The following ATOSA variants were observed in gnomAD, a reference collection of about 807,000 sequenced individuals.
ATOSA encodes atos homolog protein A.
chr15:52,607,190 G>A, the ATOSA span, among the ~76,000 whole-genome samples: 2 of 152,056 alleles, frequency 1.3e-5, no homozygotes, highest in South Asian at 2.1e-4. Flanking sequence ...ATGAAGCCAG[G>A]ACTAGAACTC....
chr15:52,608,972 C>T, the ATOSA span: 2 of 1,612,150 alleles, frequency 1.2e-6, no homozygotes, highest in Non-Finnish European at 1.7e-6. Context: ...ATCTGTTTGT[C>T]AATAGTGGTG....
At chr15:52,703,527 A>G in the ATOSA span, among the ~76,000 whole-genome samples, 26 of 152,162 alleles carry the variant, frequency 1.7e-4, no homozygotes, top group African/African-American at 6.3e-4. Context: ...TGCTATACCT[A>G]ACAAAACTAC....
the ATOSA span, among the ~76,000 whole-genome samples, chr15:52,654,758 A>C: frequency 6.6e-6 from 1 of 152,138 alleles, no homozygotes; most frequent in Non-Finnish European, 1.5e-5. Context: ...CAGATCATCT[A>C]TGTTTTCTGT....
chr15:52,592,649 T>C, the ATOSA span, among the ~76,000 whole-genome samples: 3 of 152,140 alleles, frequency 2.0e-5, no homozygotes, highest in African/African-American at 7.2e-5. Context: ...ACACTAACAA[T>C]AGCTGATGAG....
At chr15:52,637,499 G>C in the ATOSA span, among the ~76,000 whole-genome samples, 1 of 152,092 alleles carries the variant, frequency 6.6e-6, no homozygotes, top group Non-Finnish European at 1.5e-5. Flanking sequence ...CGTAGTAATT[G>C]AGTCTTATAA....
At chr15:52,706,606 AC>A in the ATOSA span, among the ~76,000 whole-genome samples, 1 of 152,314 alleles carries the variant, frequency 6.6e-6, no homozygotes, top group South Asian at 2.1e-4. Flanking sequence ...GGAAACAAAA[AC>A]CAGCTTGAAA....
chr15:52,702,500 TGC>T, the ATOSA span, among the ~76,000 whole-genome samples: 1 of 152,190 alleles, frequency 6.6e-6, no homozygotes, highest in African/African-American at 2.4e-5. Flanking sequence ...AGTAAATAAT[TGC>T]AGGAACAGAA....
At chr15:52,677,868 G>A in the ATOSA span, 4 of 1,239,954 alleles carry the variant, frequency 3.2e-6, no homozygotes, top group Non-Finnish European at 4.7e-6. Flanking sequence ...TCACCAGCTG[G>A]AATCTGTCAC....
chr15:52,679,372 T>C, the ATOSA span: 1 of 153,104 alleles, frequency 6.5e-6, no homozygotes, highest in Admixed American at 6.5e-5. Context: ...CTCTGCTGTT[T>C]GCCCTGTCAA....
chr15:52,651,135 T>G, the ATOSA span, among the ~76,000 whole-genome samples: 1 of 152,214 alleles, frequency 6.6e-6, no homozygotes, highest in African/African-American at 2.4e-5. Context: ...TATGCAATTA[T>G]TACATTTAGG....
the ATOSA span, among the ~76,000 whole-genome samples, chr15:52,619,568 A>C: frequency 6.6e-6 from 1 of 152,206 alleles, no homozygotes; most frequent in Non-Finnish European, 1.5e-5. Flanking sequence ...TTATTTGGCC[A>C]GGTGTGGTGG....
At chr15:52,706,935 C>T in the ATOSA span, among the ~76,000 whole-genome samples, 2 of 152,026 alleles carry the variant, frequency 1.3e-5, no homozygotes, top group Non-Finnish European at 2.9e-5. Flanking sequence ...GGGTTTCTTT[C>T]TGGGGTGCTG....
At chr15:52,631,406 A>G in the ATOSA span, among the ~76,000 whole-genome samples, 2 of 152,176 alleles carry the variant, frequency 1.3e-5, no homozygotes, top group African/African-American at 4.8e-5. Context: ...CTTCTTAAAA[A>G]AAGTCTTCCA....
the ATOSA span, among the ~76,000 whole-genome samples, chr15:52,614,910 T>G: frequency 1.3e-5 from 2 of 152,202 alleles, no homozygotes; most frequent in Non-Finnish European, 2.9e-5. Flanking sequence ...AAATCATCAC[T>G]AATAGCTAAA....
the ATOSA span, chr15:52,587,592 T>C: frequency 6.5e-6 from 1 of 154,898 alleles, no homozygotes; most frequent in Admixed American, 6.5e-5. Flanking sequence ...TCTTCGGGCA[T>C]GTAAAAAGTC....
chr15:52,638,405 TA>T, the ATOSA span, among the ~76,000 whole-genome samples: 1 of 151,910 alleles, frequency 6.6e-6, no homozygotes, highest in Non-Finnish European at 1.5e-5. Context: ...GTGATGGTGT[TA>T]AAAAAGAGTA....
the ATOSA span, among the ~76,000 whole-genome samples, chr15:52,651,397 A>T: frequency 6.6e-6 from 1 of 152,248 alleles, no homozygotes; most frequent in East Asian, 1.9e-4. Flanking sequence ...ACTATGTCAA[A>T]AATCTCACTT....
the ATOSA span, among the ~76,000 whole-genome samples, chr15:52,623,865 T>C: frequency 6.6e-6 from 1 of 152,218 alleles, no homozygotes; most frequent in Non-Finnish European, 1.5e-5. Context: ...CAGCCCTTTC[T>C]AGAAAAGTAT....
chr15:52,593,414 T>C, the ATOSA span: 1 of 605,828 alleles, frequency 1.7e-6, no homozygotes, highest in Non-Finnish European at 2.8e-6. Flanking sequence ...TATCTGTTGT[T>C]TGAACTAGCT....
Sources: allele counts gnomAD v4.1 joint callset (sites outside exome capture counted in the v4.1 genomes callset), GRCh38; gene constraint gnomAD v4.1.1; transcripts MANE v1.5; gene names NCBI Gene and HGNC (gene_info 2026-07-23, HGNC 2026-07-21).